ZBTB20: variants seen among roughly 807,000 people sequenced by gnomAD.
ZBTB20 encodes zinc finger and BTB domain containing 20.
A neutral mutation model predicts 56.9 loss-of-function variants in ZBTB20; 9 were observed. The ratio of observed to expected loss-of-function variants is 0.16; its 90% confidence interval spans 0.10 to 0.28. The LOEUF (loss-of-function observed/expected upper bound fraction) is 0.28. ZBTB20 is among the 10% of genes least tolerant of loss of function. ZBTB20 has a pLI of 1.00. For synonymous variants in ZBTB20, 417 were observed against 420.7 expected (o/e 0.99, Z 0.11); for missense variants, 655 against 1,003.0 (o/e 0.65, Z 4.69).
intron 10 of ZBTB20, among the ~76,000 whole-genome samples, chr3:114,377,087 G>C (rs1439503552): frequency 2.6e-5 from 4 of 152,154 alleles, no homozygotes; most frequent in African/African-American, 7.2e-5. Context: ...CATTTAAAGG[G>C]AGCACTTGGC....
intron 5 of ZBTB20, among the ~76,000 whole-genome samples, chr3:114,713,311 C>T (rs1447126554): frequency 1.3e-5 from 2 of 152,108 alleles, no homozygotes; most frequent in African/African-American, 4.8e-5. Context: ...TTTTTTACAA[C>T]TCCAAGTGTG....
rs3086037 is a variant in ZBTB20 at position 115,078,613 on chromosome 3, GTATA to G, written c.-702-7203_-702-7200del. 1.8e-3 allele frequency among the ~76,000 whole-genome samples: 247 copies of G among 137,808 alleles called. 2 individuals carry two copies. The highest frequency in any genetic ancestry group is 2.7e-3 in the African/African-American group (96 of 35,442). The allele number at this position is 137,808 out of a possible 152,430, so 90.4% of individuals were successfully genotyped here. ...TAAGAATATGTGTGTGTGTGTGTGT[GTATA>G]TATATATATATATATATATATATGA... On this transcript the variant is annotated intron_variant, in intron 1 of 11. Coordinates refer to ENST00000675478, the MANE Select transcript of ZBTB20 (RefSeq NM_001348800.3).
intron 5 of ZBTB20, among the ~76,000 whole-genome samples, chr3:114,740,728 T>C (rs1189008432): frequency 1.3e-5 from 2 of 152,358 alleles, no homozygotes; most frequent in Non-Finnish European, 2.9e-5. Flanking sequence ...CACTGGAGTT[T>C]ACATGGATTT....
intron 4 of ZBTB20, among the ~76,000 whole-genome samples, chr3:114,820,097 A>T (rs2073154209): frequency 6.6e-6 from 1 of 151,974 alleles, no homozygotes; most frequent in African/African-American, 2.4e-5. Context: ...TACATCCTCT[A>T]GCCCAGAAAT....
intron 6 of ZBTB20, among the ~76,000 whole-genome samples, chr3:114,517,730 C>T (rs1286300004): frequency 1.3e-5 from 2 of 151,992 alleles, no homozygotes; most frequent in African/African-American, 4.8e-5. Flanking sequence ...CACCTGCTAC[C>T]ATGCCCGGCT....
intron 6 of ZBTB20, among the ~76,000 whole-genome samples, chr3:114,589,205 TTC>T (rs775177313): frequency 6.6e-5 from 10 of 152,316 alleles, no homozygotes; most frequent in Non-Finnish European, 1.2e-4. Flanking sequence ...GTGCGTCTAG[TTC>T]TTTCTCACCC....
At chr3:114,972,440 T>C (rs2108039009) in intron 3 of ZBTB20, among the ~76,000 whole-genome samples, 1 of 152,344 alleles carries the variant, frequency 6.6e-6, no homozygotes, top group East Asian at 1.9e-4. Context: ...TCAAATATTT[T>C]ATTCATGTTC....
chr3:114,431,100 C>T (rs533237589), intron 7 of ZBTB20, among the ~76,000 whole-genome samples: 25 of 151,918 alleles, frequency 1.6e-4, no homozygotes, highest in African/African-American at 5.6e-4. Flanking sequence ...TAGTTTCACG[C>T]GGGATAGGAA....
chr3:114,718,699 A>G (rs1182183424), intron 5 of ZBTB20, among the ~76,000 whole-genome samples: 3 of 152,012 alleles, frequency 2.0e-5, no homozygotes. Flanking sequence ...TTTTCTTAAG[A>G]AAAAAAAGGA....
At chr3:114,387,079 T>C (rs2085228740) in intron 8 of ZBTB20, among the ~76,000 whole-genome samples, 1 of 152,130 alleles carries the variant, frequency 6.6e-6, no homozygotes, top group Non-Finnish European at 1.5e-5. Context: ...AGACTTTATA[T>C]ATATATCATC....
At chr3:115,058,848 T>C (rs2081911843) in intron 2 of ZBTB20, among the ~76,000 whole-genome samples, 1 of 152,224 alleles carries the variant, frequency 6.6e-6, no homozygotes, top group Non-Finnish European at 1.5e-5. Flanking sequence ...GAGGTTATAT[T>C]TGTGTGTCTG....
intron 1 of ZBTB20, among the ~76,000 whole-genome samples, chr3:115,091,104 A>C (rs973556332): frequency 6.6e-6 from 1 of 151,840 alleles, no homozygotes; most frequent in East Asian, 1.9e-4. Flanking sequence ...ATTAACCAAA[A>C]ACAAATGAAC....
chr3:114,905,729 C>T (rs1276180504), intron 3 of ZBTB20, among the ~76,000 whole-genome samples: 6 of 151,880 alleles, frequency 4.0e-5, no homozygotes, highest in African/African-American at 1.4e-4. Flanking sequence ...TATTTTTCCT[C>T]TTAATCAGTA....
intron 7 of ZBTB20, among the ~76,000 whole-genome samples, chr3:114,477,142 T>C (rs576452258): frequency 6.6e-6 from 1 of 152,324 alleles, no homozygotes; most frequent in South Asian, 2.1e-4. Flanking sequence ...ACATCACATA[T>C]AAACTGAAAA....
intron 6 of ZBTB20, among the ~76,000 whole-genome samples, chr3:114,589,833 A>C (rs184327064): frequency 6.6e-6 from 1 of 152,276 alleles, no homozygotes; most frequent in East Asian, 1.9e-4. Flanking sequence ...ATATGTACTG[A>C]CGCACATGCA....
At chr3:114,630,672 A>G (rs1257579094) in intron 6 of ZBTB20, among the ~76,000 whole-genome samples, 2 of 152,216 alleles carry the variant, frequency 1.3e-5, no homozygotes, top group East Asian at 3.8e-4. Context: ...GTAGTGCATG[A>G]CAACCAGGAA....
At chr3:114,353,630 G>A (rs1484365343) in intron 10 of ZBTB20, among the ~76,000 whole-genome samples, 1 of 152,074 alleles carries the variant, frequency 6.6e-6, no homozygotes, top group African/African-American at 2.4e-5. Flanking sequence ...CCAAAAGAAG[G>A]CACAAATAAC....
At chr3:114,627,602 C>A (rs2058719574) in intron 6 of ZBTB20, among the ~76,000 whole-genome samples, 1 of 152,182 alleles carries the variant, frequency 6.6e-6, no homozygotes, top group African/African-American at 2.4e-5. Context: ...AACCAATCTA[C>A]ACCTGGAGAT....
chr3:114,898,699 C>G (rs1011710719), intron 4 of ZBTB20, among the ~76,000 whole-genome samples: 2 of 152,114 alleles, frequency 1.3e-5, no homozygotes, highest in African/African-American at 4.8e-5. Flanking sequence ...GTGTTTCCTA[C>G]TTCCAAAGAG....
Sources: gnomAD v4.1 joint callset for allele counts (sites outside exome capture counted in the v4.1 genomes callset) on GRCh38, gnomAD v4.1.1 for gene constraint, MANE v1.5 for transcripts, NCBI Gene and HGNC (gene_info 2026-07-23, HGNC 2026-07-21) for gene names.